The following DOCK3 variants were observed in gnomAD, a reference collection of about 807,000 sequenced individuals.
The protein encoded by DOCK3 is dedicator of cytokinesis protein 3.
DOCK3 carries 60 observed loss-of-function variants against 265.6 expected under a neutral mutation model. The observed-to-expected ratio is 0.23, with a 90% CI of 0.18 to 0.28. The LOEUF is 0.28. DOCK3 is among the 10% of genes least tolerant of loss of function. DOCK3 has a pLI of 1.00. For missense variants in DOCK3, 1,981 were observed against 2,594.3 expected (o/e 0.76, Z 5.14); for synonymous variants, 881 against 938.0 (o/e 0.94, Z 1.11).
intron 7 of DOCK3, among the ~76,000 whole-genome samples, chr3:51,087,983 G>T (rs1334688176): frequency 6.6e-6 from 1 of 152,118 alleles, no homozygotes; most frequent in African/African-American, 2.4e-5. Flanking sequence ...CAATAGCCAA[G>T]ATATAGAATT....
At chr3:50,798,399 T>C (rs2042902306) in intron 2 of DOCK3, among the ~76,000 whole-genome samples, 1 of 152,122 alleles carries the variant, frequency 6.6e-6, no homozygotes, top group South Asian at 2.1e-4. Flanking sequence ...TTCATGACAA[T>C]GACAAGAGAA....
chr3:50,730,773 G>A (rs1361601437), intron 1 of DOCK3, among the ~76,000 whole-genome samples: 5 of 152,040 alleles, frequency 3.3e-5, no homozygotes, highest in African/African-American at 1.2e-4. Flanking sequence ...TGAGGCTGCA[G>A]TGAGCTAGGA....
chr3:50,874,338 CA>C, intron 3 of DOCK3, among the ~76,000 whole-genome samples: 1 of 151,574 alleles, frequency 6.6e-6, no homozygotes, highest in South Asian at 2.1e-4. Context: ...CGTATGTCTG[CA>C]AAAAATTAAA....
At chr3:50,844,229 T>C (rs2045976078) in intron 3 of DOCK3, among the ~76,000 whole-genome samples, 1 of 152,222 alleles carries the variant, frequency 6.6e-6, no homozygotes, top group Non-Finnish European at 1.5e-5. Context: ...TGTGAGTGAA[T>C]GAACGAGATT....
chr3:51,310,057 G>A (rs929680580), intron 27 of DOCK3, among the ~76,000 whole-genome samples, 175 bp from the exon 28 acceptor site: 1 of 152,120 alleles, frequency 6.6e-6, no homozygotes, highest in Non-Finnish European at 1.5e-5. Context: ...GCCTGTGAGA[G>A]TACCCAGAAC....
At chr3:51,203,978 C>G (rs932914495) in intron 12 of DOCK3, among the ~76,000 whole-genome samples, 2 of 152,014 alleles carry the variant, frequency 1.3e-5, no homozygotes, top group African/African-American at 4.8e-5. Flanking sequence ...AAAGCTGAAA[C>G]TGGATCCCTT....
At chr3:51,138,957 A>G (rs761039325) in intron 9 of DOCK3, among the ~76,000 whole-genome samples, 7 of 152,196 alleles carry the variant, frequency 4.6e-5, no homozygotes, top group Non-Finnish European at 2.9e-5. Flanking sequence ...TTCAAACACA[A>G]TAAAAGTGTA....
intron 4 of DOCK3, among the ~76,000 whole-genome samples, chr3:50,920,617 C>T (rs183219157): frequency 9.7e-4 from 147 of 152,166 alleles, no homozygotes; most frequent in African/African-American, 3.4e-3. Flanking sequence ...TTTTTTATTG[C>T]ATCTATTTGA....
chr3:50,959,797 G>T (rs1376708427), intron 5 of DOCK3, among the ~76,000 whole-genome samples: 1 of 151,854 alleles, frequency 6.6e-6, no homozygotes, highest in Non-Finnish European at 1.5e-5. Context: ...AGCCAGGATG[G>T]TCTCGATCTC....
At chr3:51,125,484 T>A (rs750242674) in intron 9 of DOCK3, among the ~76,000 whole-genome samples, 1 of 152,202 alleles carries the variant, frequency 6.6e-6, no homozygotes, top group Non-Finnish European at 1.5e-5. Flanking sequence ...CTCATCAGGA[T>A]TCCCTCATTT....
chr3:50,840,499 C>T (rs1187742923), intron 2 of DOCK3, among the ~76,000 whole-genome samples: 4 of 152,130 alleles, frequency 2.6e-5, no homozygotes, highest in Non-Finnish European at 5.9e-5. Flanking sequence ...CTTTTGCTCC[C>T]TTGTCAAAGA....
At chr3:50,879,280 A>G (rs2047895655) in intron 3 of DOCK3, among the ~76,000 whole-genome samples, 1 of 152,182 alleles carries the variant, frequency 6.6e-6, no homozygotes, top group African/African-American at 2.4e-5. Flanking sequence ...ACCTAACAAT[A>G]TTCACTTTAA....
intron 1 of DOCK3, among the ~76,000 whole-genome samples, chr3:50,759,779 G>C (rs1432932393): frequency 6.6e-6 from 1 of 151,058 alleles, no homozygotes; most frequent in Non-Finnish European, 1.5e-5. Context: ...TATTGCCTGA[G>C]CCCAGGAGTT....
At chr3:51,362,388 C>T in intron 48 of DOCK3, 139 bp from the exon 49 acceptor site, 1 of 1,168,434 alleles carries the variant, frequency 8.6e-7, no homozygotes, top group Non-Finnish European at 1.2e-6. Flanking sequence ...CAGCCATTAG[C>T]CTGGCCTCCA....
Position 51,009,044 on chromosome 3 carries a change from A to T in DOCK3, c.316-55404A>T, listed in dbSNP as rs528042347. ...CCAGTATTTTATTGAGGATTTTCAC[A>T]TCAGTGTTCATCAGGGATATTAGTC... On this transcript the variant is annotated intron_variant, in intron 5 of 52. Transcript: ENST00000266037. 8.5e-5 allele frequency among the ~76,000 whole-genome samples: 13 copies of T among 152,294 alleles called. No individual in the cohort carries two copies. In the East Asian group the frequency reaches 2.3e-3, roughly 27 times the overall value.
intron 1 of DOCK3, among the ~76,000 whole-genome samples, chr3:50,706,030 C>CAA (rs796376606): frequency 7.2e-6 from 1 of 138,428 alleles, no homozygotes; most frequent in African/African-American, 2.6e-5. Context: ...GACTCTGTCT[C>CAA]AAAAAAAAAA....
intron 4 of DOCK3, among the ~76,000 whole-genome samples, chr3:50,919,962 G>A (rs1170774246): frequency 2.0e-5 from 3 of 152,142 alleles, no homozygotes; most frequent in South Asian, 2.1e-4. Flanking sequence ...AGCATGAAGC[G>A]CTGTTGAATT....
rs866566314 is a variant in DOCK3 at position 50,823,618 on chromosome 3, C to A, written c.122-18057C>A. ...TATTTCTCAATCTTTTCCCACCTTT[C>A]CCCCCTTGCTATTCCACAAAACCGC... On this transcript the variant is annotated intron_variant, in intron 2 of 52. Transcript: ENST00000266037. Among the ~76,000 whole-genome samples, 12 of 152,218 alleles carry A rather than the reference C, an allele frequency of 7.9e-5. 1 individual carries two copies. The South Asian group carries it at 1.0e-3, about 13-fold the overall frequency.
chr3:51,131,043 A>G (rs1018974033), intron 9 of DOCK3, among the ~76,000 whole-genome samples: 4 of 152,150 alleles, frequency 2.6e-5, no homozygotes, highest in African/African-American at 7.2e-5. Flanking sequence ...GTCTAGGTAG[A>G]GGCCACGCTA....
Sources: gnomAD v4.1 joint callset for allele counts (sites outside exome capture counted in the v4.1 genomes callset) on GRCh38, gnomAD v4.1.1 for gene constraint, MANE v1.5 for transcripts, NCBI Gene and HGNC (gene_info 2026-07-23, HGNC 2026-07-21) for gene names.